Variants in MAP7 observed in about 807,000 individuals in gnomAD.
The protein encoded by MAP7 is microtubule associated protein 7, also known as ensconsin.
MAP7 carries 52 observed loss-of-function variants against 94.8 expected under a neutral mutation model. That is an observed-to-expected ratio of 0.55 (90% CI 0.44 to 0.69). MAP7 has a LOEUF of 0.69. MAP7 is among the 30% of genes least tolerant of loss of function. MAP7 has a pLI of 0.00. For missense variants in MAP7, 940 were observed against 964.6 expected (o/e 0.97, Z 0.34); for synonymous variants, 350 against 357.0 (o/e 0.98, Z 0.22).
At chr6:136,525,949 T>C in intron 1 of MAP7, 3 of 1,530,814 alleles carry the variant, frequency 2.0e-6, no homozygotes. Flanking sequence ...CGGAGAGCTG[T>C]AGCTGATCCA....
intron 1 of MAP7, among the ~76,000 whole-genome samples, chr6:136,515,872 C>T (rs899715558): frequency 9.9e-5 from 15 of 152,030 alleles, no homozygotes; most frequent in South Asian, 4.1e-4. Context: ...GGAAAAATGG[C>T]GCCAACAGAC....
chr6:136,487,708 C>T (rs974791584), intron 1 of MAP7, among the ~76,000 whole-genome samples: 1 of 147,980 alleles, frequency 6.8e-6, no homozygotes, highest in Non-Finnish European at 1.5e-5. Flanking sequence ...GACTTGATCT[C>T]CAGGAAAAAA....
intron 3 of MAP7, among the ~76,000 whole-genome samples, chr6:136,394,474 G>C (rs1485486691): frequency 1.3e-5 from 2 of 151,784 alleles, no homozygotes; most frequent in Non-Finnish European, 1.5e-5. Context: ...GCTATTTATA[G>C]GGTACATATG....
At chr6:136,410,807 T>C (rs1018473800) in intron 3 of MAP7, among the ~76,000 whole-genome samples, 5 of 152,198 alleles carry the variant, frequency 3.3e-5, no homozygotes, top group African/African-American at 1.2e-4. Flanking sequence ...TCTTACAAAA[T>C]GCAGAACAAC....
At chr6:136,477,079 A>G (rs1478113411) in intron 1 of MAP7, among the ~76,000 whole-genome samples, 1 of 152,234 alleles carries the variant, frequency 6.6e-6, no homozygotes, top group Non-Finnish European at 1.5e-5. Flanking sequence ...AATTCCTCAT[A>G]AGATACTTAC....
intron 1 of MAP7, among the ~76,000 whole-genome samples, chr6:136,423,641 T>C (rs1027067733): frequency 6.6e-6 from 1 of 151,876 alleles, no homozygotes; most frequent in African/African-American, 2.4e-5. Flanking sequence ...GAAGAGGTAA[T>C]TAGTCCTTCT....
At chr6:136,526,011 A>C (rs1583145849) in intron 1 of MAP7, 1 of 1,483,256 alleles carries the variant, frequency 6.7e-7, no homozygotes, top group South Asian at 1.3e-5. Context: ...TTATATTAAA[A>C]ATATATGCTT....
intron 3 of MAP7, among the ~76,000 whole-genome samples, chr6:136,395,639 T>A (rs560272430): frequency 6.6e-6 from 1 of 152,294 alleles, no homozygotes; most frequent in African/African-American, 2.4e-5. Flanking sequence ...TTCAGACCAA[T>A]GTCCTGAAGC....
rs145289739 is a variant in MAP7, at chr6:136,492,930, T to C, written c.67+57412A>G. Among the ~76,000 whole-genome samples, 27 of 152,184 alleles carry C rather than the reference T, an allele frequency of 1.8e-4. No homozygotes were observed. The East Asian group carries it at 4.6e-3, about 26-fold the overall frequency. The stretch of plus-strand genomic sequence containing the variant: ...TGTATATATATTTGTATAATTTTAT[T>C]ATGTAAAATTAATAAATCCTTTGTC... On this transcript the variant is annotated intron_variant, in intron 1 of 17. Transcript: ENST00000354570.
At chr6:136,448,773 G>C (rs1800133998) in intron 1 of MAP7, among the ~76,000 whole-genome samples, 1 of 152,000 alleles carries the variant, frequency 6.6e-6, no homozygotes, top group Non-Finnish European at 1.5e-5. Flanking sequence ...CAATGCCTGA[G>C]AGATACAAGA....
chr6:136,546,601 C>T (rs1829756551), intron 1 of MAP7, among the ~76,000 whole-genome samples: 1 of 152,124 alleles, frequency 6.6e-6, no homozygotes, highest in Non-Finnish European at 1.5e-5. Context: ...GAAGTGATTC[C>T]TCCTTCACTG....
chr6:136,526,505 CAT>C (rs1338865265), intron 1 of MAP7: 2 of 985,572 alleles, frequency 2.0e-6, no homozygotes, highest in African/African-American at 3.5e-5. Context: ...ACAACCCTAA[CAT>C]ATCCTAATCA....
chr6:136,538,798 CAAAAAAAAA>C (rs397836178), intron 1 of MAP7, among the ~76,000 whole-genome samples: 1 of 65,896 alleles, frequency 1.5e-5, no homozygotes, highest in Non-Finnish European at 2.9e-5. Flanking sequence ...GATTTTGTCT[CAAAAAAAAA>C]AAAAAAAAAA....
chr6:136,344,310 A>G (rs900646720), intron 17 of MAP7, 72 bp from the exon 18 acceptor site: 3 of 671,222 alleles, frequency 4.5e-6, no homozygotes, highest in South Asian at 4.1e-5. Context: ...AGAATACCAT[A>G]GTAATACCTT....
At chr6:136,419,849 A>C (rs903899053) in intron 2 of MAP7, 1 of 397,484 alleles carries the variant, frequency 2.5e-6, no homozygotes, top group Non-Finnish European at 4.8e-6. Context: ...TTTTTACTTC[A>C]GTTTTTGTCA....
At chr6:136,536,908 C>T (rs1426746225) in intron 1 of MAP7, among the ~76,000 whole-genome samples, 2 of 152,196 alleles carry the variant, frequency 1.3e-5, no homozygotes, top group East Asian at 3.8e-4. Context: ...TCAGAATGCC[C>T]AATTCACAGG....
chr6:136,483,785 T>C (rs1813709385), intron 1 of MAP7, among the ~76,000 whole-genome samples: 1 of 152,212 alleles, frequency 6.6e-6, no homozygotes, highest in Admixed American at 6.5e-5. Context: ...CTATTACAAC[T>C]GTCTTGCTGT....
At chr6:136,420,071 T>C (rs1790785040) in intron 2 of MAP7, 7 of 839,066 alleles carry the variant, frequency 8.3e-6, no homozygotes, top group South Asian at 2.6e-5. Context: ...TTAATTACAA[T>C]GGAGGGGTCA....
At chr6:136,527,589 C>T (rs767126554) in intron 1 of MAP7, among the ~76,000 whole-genome samples, 3 of 152,216 alleles carry the variant, frequency 2.0e-5, no homozygotes, top group Non-Finnish European at 4.4e-5. Flanking sequence ...TGATGACTAT[C>T]ATTTACCTAT....
Sources: gnomAD v4.1 joint callset for allele counts (sites outside exome capture counted in the v4.1 genomes callset) on GRCh38, gnomAD v4.1.1 for gene constraint, MANE v1.5 for transcripts, NCBI Gene and HGNC (gene_info 2026-07-23, HGNC 2026-07-21) for gene names.